The following NFILZ variants were observed in gnomAD, a reference collection of about 807,000 sequenced individuals.
NFILZ encodes the protein NFIL3 like basic leucine zipper.
At position 8,677,133 on chromosome 19, in the gene NFILZ, G is replaced by A. The variant is rs550691366; in HGVS notation, c.368G>A (p.Arg123Gln). Residue 123 changes from arginine to glutamine, a missense_variant, in exon 6 of 6, where the codon CGG (arginine) becomes CAG (glutamine). Coordinates refer to ENST00000691075, the MANE Select transcript of NFILZ (RefSeq NM_001378600.1). ...GAAGCCCCCTGGACTGGGGACCCCC[G>A]GCCTGGGGCTGAAGCACTCTCATCC... ...LLEAPWTGDP[R>Q]PGAEALSSLS... The A allele has an allele frequency of 6.6e-6, 1 of 152,616 alleles. No individual in the cohort carries two copies. Among genetic ancestry groups the A allele is most frequent in the South Asian group, 2.1e-4 (1 of 4,832 alleles). 9.5% of individuals were successfully genotyped at this position (152,616 alleles called of 1,614,324 possible). A position where few individuals can be genotyped will look rare whatever the true frequency, so the allele number is the denominator to read the frequency against.
In NFILZ at chr19:8,678,080, C is replaced by T. The variant is rs1406476998; in HGVS notation, c.*445C>T. Among the ~76,000 whole-genome samples, 3 of 28,064 alleles carry T rather than the reference C, an allele frequency of 1.1e-4. No homozygotes were observed. The highest frequency in any genetic ancestry group is 3.4e-4 in the African/African-American group (2 of 5,890). 18.4% of individuals were successfully genotyped at this position (28,064 alleles called of 152,430 possible). On this transcript the variant is annotated 3_prime_UTR_variant, in exon 6 of 6. Transcript: ENST00000691075. ...CCCATCTATTCATCCATCCATCAAT[C>T]CATCCATCCATTCCATCCATCCATC...
chr19:8,648,069 G>A (rs1289793810), intron 3 of NFILZ, among the ~76,000 whole-genome samples: 1 of 151,316 alleles, frequency 6.6e-6, no homozygotes, highest in Admixed American at 6.6e-5. Flanking sequence ...AGCTACTTGG[G>A]AGGCTGAGGC....
chr19:8,631,744 C>T (rs1036640911), intron 1 of NFILZ, among the ~76,000 whole-genome samples: 1 of 152,062 alleles, frequency 6.6e-6, no homozygotes, highest in Admixed American at 6.6e-5. Context: ...CTTTCACTTT[C>T]TGCCTCCTCC....
chr19:8,631,094 T>G (rs2042867631), intron 1 of NFILZ, among the ~76,000 whole-genome samples: 1 of 152,174 alleles, frequency 6.6e-6, no homozygotes, highest in Non-Finnish European at 1.5e-5. Context: ...TCCTTTGATA[T>G]TTTTTCCTCT....
intron 3 of NFILZ, among the ~76,000 whole-genome samples, chr19:8,640,207 G>C (rs2146138512): frequency 6.6e-6 from 1 of 151,698 alleles, no homozygotes; most frequent in Non-Finnish European, 1.5e-5. Flanking sequence ...CTGTGTTCTT[G>C]ATTTTCCCCC....
At chr19:8,662,951 C>T (rs1200077664) in intron 3 of NFILZ, among the ~76,000 whole-genome samples, 15 of 140,700 alleles carry the variant, frequency 1.1e-4, no homozygotes, top group African/African-American at 3.7e-4. Context: ...TTTCTTTTTC[C>T]TTTTTTTTTT....
chr19:8,678,257 C>T lies in NFILZ; in HGVS notation c.*622C>T, dbSNP rs1260715247. On this transcript the variant is annotated 3_prime_UTR_variant, in exon 6 of 6. Coordinates refer to ENST00000691075, the MANE Select transcript of NFILZ (RefSeq NM_001378600.1). ...TTCAGCCATCCATCTGTCCATTTAT[C>T]CATCCTCCATTTATCCATGCATCTA... Among the ~76,000 whole-genome samples, 1 of 144,298 alleles carries T rather than the reference C, an allele frequency of 6.9e-6. No homozygotes were observed. The highest frequency in any genetic ancestry group is 1.5e-5 in the Non-Finnish European group (1 of 65,710). The allele number at this position is 144,298 out of a possible 152,430, so 94.7% of individuals were successfully genotyped here. A position where few individuals can be genotyped will look rare whatever the true frequency, so the allele number is the denominator to read the frequency against.
intron 3 of NFILZ, among the ~76,000 whole-genome samples, chr19:8,671,407 G>A (rs1226863028): frequency 7.2e-6 from 1 of 138,834 alleles, no homozygotes; most frequent in Non-Finnish European, 1.6e-5. Context: ...GGTGTAGGGG[G>A]CGGTGGTTAG....
rs879951539 is a variant in NFILZ at position 8,681,142 on chromosome 19, C to T, written c.*3507C>T. On this transcript the variant is annotated 3_prime_UTR_variant, in exon 6 of 6. Transcript: ENST00000691075. Reference sequence around the variant, plus strand: ...AGGCTGAGTGAAAATAAACCCACCACATAAGTGCAGGAGAGCTGGCTCATT... The same window carrying T: ...AGGCTGAGTGAAAATAAACCCACCATATAAGTGCAGGAGAGCTGGCTCATT... 6.6e-6 allele frequency among the ~76,000 whole-genome samples: 1 copy of T among 152,104 alleles called. No individual in the cohort carries two copies. Among genetic ancestry groups the T allele is most frequent in the African/African-American group, 2.4e-5 (1 of 41,400 alleles).
At chr19:8,640,247 G>A (rs1288029921) in intron 3 of NFILZ, among the ~76,000 whole-genome samples, 4 of 151,494 alleles carry the variant, frequency 2.6e-5, no homozygotes, top group African/African-American at 9.7e-5. Context: ...ACTGCCTGCA[G>A]GTTGCCTCTC....
Position 8,678,724 on chromosome 19 carries a change from C to T in NFILZ, c.*1089C>T, listed in dbSNP as rs2043130803. 6.6e-6 allele frequency among the ~76,000 whole-genome samples: 1 copy of T among 152,220 alleles called. No homozygotes were observed. The highest frequency in any genetic ancestry group is 2.1e-4 in the South Asian group (1 of 4,832). ...TCATCCACCCATCCATCCTTTCATT[C>T]ATTTATTCATTTAGCCACTCATTTA... On this transcript the variant is annotated 3_prime_UTR_variant, in exon 6 of 6. Coordinates refer to ENST00000691075, the MANE Select transcript of NFILZ (RefSeq NM_001378600.1).
intron 2 of NFILZ, among the ~76,000 whole-genome samples, chr19:8,634,804 C>T (rs766169012): frequency 2.0e-4 from 30 of 152,096 alleles, no homozygotes; most frequent in South Asian, 6.2e-4. Context: ...CACTTGAATC[C>T]GGGAAGTCGA....
At chr19:8,672,558 A>G (rs2043092967) in intron 3 of NFILZ, among the ~76,000 whole-genome samples, 1 of 151,494 alleles carries the variant, frequency 6.6e-6, no homozygotes. Flanking sequence ...TCATGTGTTT[A>G]TTAGTTCATT....
intron 1 of NFILZ, among the ~76,000 whole-genome samples, chr19:8,631,778 A>G (rs1555745564): frequency 1.3e-5 from 2 of 150,702 alleles, no homozygotes. Context: ...GACCTCTTGA[A>G]GCGTCTCTAG....
At chr19:8,638,402 T>C (rs1555746316) in intron 3 of NFILZ, 1 of 152,224 alleles carries the variant, frequency 6.6e-6, no homozygotes, top group African/African-American at 2.4e-5. Context: ...GCAGTTGAAC[T>C]GTGGGGGCTC....
intron 3 of NFILZ, among the ~76,000 whole-genome samples, chr19:8,662,411 A>T (rs1477347038): frequency 6.6e-6 from 1 of 151,840 alleles, no homozygotes; most frequent in African/African-American, 2.4e-5. Context: ...GGGAGGAGCG[A>T]TGTGAGTGTC....
intron 3 of NFILZ, among the ~76,000 whole-genome samples, chr19:8,637,713 C>G (rs2042900920): frequency 6.6e-6 from 1 of 151,396 alleles, no homozygotes; most frequent in African/African-American, 2.4e-5. Flanking sequence ...TTGAGACCAG[C>G]CTGACCAACA....
intron 3 of NFILZ, among the ~76,000 whole-genome samples, chr19:8,663,393 G>A (rs572752063): frequency 6.7e-6 from 1 of 149,024 alleles, no homozygotes; most frequent in South Asian, 2.2e-4. Flanking sequence ...GGCAGTGGGG[G>A]ATGGAACTGC....
intron 3 of NFILZ, among the ~76,000 whole-genome samples, chr19:8,653,738 T>C (rs565073590): frequency 6.6e-6 from 1 of 152,278 alleles, no homozygotes; most frequent in African/African-American, 2.4e-5. Flanking sequence ...CCAAATACCG[T>C]GTGTTCTCAC....
Sources: allele counts gnomAD v4.1 joint callset (sites outside exome capture counted in the v4.1 genomes callset), GRCh38; gene constraint gnomAD v4.1.1; transcripts MANE v1.5; gene names NCBI Gene and HGNC (gene_info 2026-07-23, HGNC 2026-07-21).